ERVMER34-1: variants seen among roughly 807,000 people sequenced by gnomAD.
ERVMER34-1 encodes endogenous retrovirus group MER34 member 1, envelope, also known as endogenous retroviral envelope protein HEMO.
For synonymous variants in ERVMER34-1, 199 were observed against 111.7 expected (o/e 1.78, Z -4.93); for missense variants, 471 against 295.1 (o/e 1.60, Z -4.37).
At chr4:52,746,827 G>T (rs1310465445) in intron 2 of ERVMER34-1, among the ~76,000 whole-genome samples, 2 of 152,172 alleles carry the variant, frequency 1.3e-5, no homozygotes, top group African/African-American at 4.8e-5. Flanking sequence ...GATGCCAAGA[G>T]CCAACTGTCT....
Position 52,742,842 on chromosome 4 carries a change from A to C in ERVMER34-1, c.*987T>G, listed in dbSNP as rs774532781. The stretch of plus-strand genomic sequence containing the variant: ...GAGGCAGGAGAATGGCATGAACCCA[A>C]GGGGGCAGAGGTTGCAGTGAGCCGA... On this transcript the variant is annotated 3_prime_UTR_variant, in exon 3 of 3. Coordinates refer to ENST00000443173, the MANE Select transcript of ERVMER34-1 (RefSeq NM_001242690.2). 1 of 150,496 alleles carries C rather than the reference A, an allele frequency of 6.6e-6. No individual in the cohort carries two copies. The highest frequency in any genetic ancestry group is 1.5e-5 in the Non-Finnish European group (1 of 67,774). The allele number at this position is 150,496 out of a possible 1,614,324, so 9.3% of individuals were successfully genotyped here. A position where few individuals can be genotyped will look rare whatever the true frequency, so the allele number is the denominator to read the frequency against.
At chr4:52,748,290 G>T in intron 2 of ERVMER34-1, 1 of 168,158 alleles carries the variant, frequency 5.9e-6, no homozygotes, top group South Asian at 1.4e-4. Context: ...AAGCACATTT[G>T]TGATATTTTT....
At position 52,744,937 on chromosome 4, in the gene ERVMER34-1, CAG is replaced by C. The variant is rs1716111424; in HGVS notation, c.582_583del (p.Trp195GlufsTer30). ...AATCAAGGGAACAGCTGAGCTGTTC[CAG>C]GTCCGGTTTGTGCAACCTGCAAACC... On this transcript the variant is annotated frameshift_variant, in exon 3 of 3. Transcript: ENST00000443173. LOFTEE classifies it low-confidence loss of function (END_TRUNC). The C allele has an allele frequency of 1.4e-6, 1 of 703,978 alleles. No homozygotes were observed. Among genetic ancestry groups the C allele is most frequent in the Admixed American group, 2.0e-5 (1 of 50,002 alleles). 43.6% of individuals were successfully genotyped at this position (703,978 alleles called of 1,614,324 possible).
In ERVMER34-1 at chr4:52,743,003, T is replaced by G. The variant is rs1044665000; in HGVS notation, c.*826A>C. The G allele has an allele frequency of 2.6e-4, 39 of 151,804 alleles. No individual in the cohort carries two copies. Among genetic ancestry groups the G allele is most frequent in the Admixed American group, 9.8e-4 (15 of 15,254 alleles). 9.4% of individuals were successfully genotyped at this position (151,804 alleles called of 1,614,324 possible). The stretch of plus-strand genomic sequence containing the variant: ...TAATAGTATAATCTTTAGCAAGCTA[T>G]CTACCCTTTGAGTTGATTAATCTGT... On this transcript the variant is annotated 3_prime_UTR_variant, in exon 3 of 3. Coordinates refer to ENST00000443173, the MANE Select transcript of ERVMER34-1 (RefSeq NM_001242690.2).
chr4:52,744,393 A>G lies in ERVMER34-1; in HGVS notation c.1128T>C (p.Phe376=), dbSNP rs1459911489. The part of the protein sequence containing the change: ...PKDNSTIRAL[F]PSLGTYDLEK... ...CTAAATCATAAGTTCCCAAACTTGGAAAAAGGGCCCTTATTGTTGAATTGT... is the reference window on the plus strand; with the variant it reads ...CTAAATCATAAGTTCCCAAACTTGGGAAAAGGGCCCTTATTGTTGAATTGT... The change falls in exon 3 of 3, where the codon TTT becomes TTC. Residue 376 remains phenylalanine (F), a synonymous_variant. Transcript: ENST00000443173. 5.7e-6 allele frequency: 4 copies of G among 704,142 alleles called. No individual in the cohort carries two copies. The highest frequency in any genetic ancestry group is 2.3e-4 in the Middle Eastern group (1 of 4,370). The allele number at this position is 704,142 out of a possible 1,614,324, so 43.6% of individuals were successfully genotyped here.
chr4:52,744,556 A>C lies in ERVMER34-1; in HGVS notation c.965T>G (p.Leu322Arg), dbSNP rs1268227586. The C allele has an allele frequency of 7.1e-6, 5 of 704,102 alleles. No individual in the cohort carries two copies. The East Asian group carries it at 1.3e-4, about 19-fold the overall frequency. The allele number at this position is 704,102 out of a possible 1,614,324, so 43.6% of individuals were successfully genotyped here. ...GAGGTATCTGGTGAGGGAAGGTACA[A>C]GATACCCAAGTCCACATCGCCCAGA... is the stretch of plus-strand genomic sequence containing the variant. Reference protein sequence around the residue: ...KWSGRCGLGYLVPSLTRYLTL... With the variant: ...KWSGRCGLGYRVPSLTRYLTL... Residue 322 changes from leucine to arginine, a missense_variant, in exon 3 of 3, where the codon CTT (leucine) becomes CGT (arginine). Leu to Arg is a moderately radical substitution (Grantham distance 102). Coordinates refer to ENST00000443173, the MANE Select transcript of ERVMER34-1 (RefSeq NM_001242690.2).
In ERVMER34-1 at chr4:52,744,152, T is replaced by A; in HGVS notation, c.1369A>T (p.Asn457Tyr). The change falls in exon 3 of 3, where the codon AAT becomes TAT. Residue 457 changes from asparagine to tyrosine, a missense_variant. Transcript: ENST00000443173. The stretch of plus-strand genomic sequence containing the variant: ...GATGCTTCGTGGAGACGCTGTATAT[T>A]AGACTTTATTTCTTCCGAATAATTT... ...YINYSEEIKS[N>Y]IQRLHEASEN... is the part of the protein sequence containing the mutation. 1 of 704,120 alleles carries A rather than the reference T, an allele frequency of 1.4e-6. No individual in the cohort carries two copies. The highest frequency in any genetic ancestry group is 2.6e-6 in the Non-Finnish European group (1 of 385,016). The allele number at this position is 704,120 out of a possible 1,614,324, so 43.6% of individuals were successfully genotyped here. A position where few individuals can be genotyped will look rare whatever the true frequency, so the allele number is the denominator to read the frequency against.
rs371341191 is a variant in ERVMER34-1, at chr4:52,744,307, G to A, written c.1214C>T (p.Thr405Ile). 1 of 703,976 alleles carries A rather than the reference G, an allele frequency of 1.4e-6. No individual in the cohort carries two copies. The highest frequency in any genetic ancestry group is 2.6e-6 in the Non-Finnish European group (1 of 385,022). 43.6% of individuals were successfully genotyped at this position (703,976 alleles called of 1,614,324 possible). The change falls in exon 3 of 3, where the codon ACC becomes ATC. Residue 405 changes from threonine to isoleucine, a missense_variant. Coordinates refer to ENST00000443173, the MANE Select transcript of ERVMER34-1 (RefSeq NM_001242690.2). ...MEQEFSATKQ[T>I]LEAHQSKVSS... ...AACTTTTGATTGGTGTGCTTCCAAG[G>A]TCTGCTTAGTGGCACTGAATTCCTG...
At chr4:52,747,940 G>A (rs1338720672) in intron 2 of ERVMER34-1, among the ~76,000 whole-genome samples, 1 of 152,218 alleles carries the variant, frequency 6.6e-6, no homozygotes, top group Non-Finnish European at 1.5e-5. Context: ...GGGAGGCTGA[G>A]GCAGGAGAAT....
At position 52,745,723 on chromosome 4, in the gene ERVMER34-1, T is replaced by C; in HGVS notation, c.-203A>G. 1 of 573,352 alleles carries C rather than the reference T, an allele frequency of 1.7e-6. No individual in the cohort carries two copies. The highest frequency in any genetic ancestry group is 3.1e-6 in the Non-Finnish European group (1 of 322,496). The allele number at this position is 573,352 out of a possible 1,614,324, so 35.5% of individuals were successfully genotyped here. On this transcript the variant is annotated 5_prime_UTR_variant, in exon 3 of 3. Coordinates refer to ENST00000443173, the MANE Select transcript of ERVMER34-1 (RefSeq NM_001242690.2). ...CTACTTCATCTGCTCATGGAGCCTG[T>C]GAGTAGGTGCCAAAATTCCTCAATT...
At chr4:52,748,516 C>T (rs1716205648) in intron 2 of ERVMER34-1, among the ~76,000 whole-genome samples, 1 of 152,138 alleles carries the variant, frequency 6.6e-6, no homozygotes, top group African/African-American at 2.4e-5. Context: ...CTACTTAGGC[C>T]ATGGAATGTC....
chr4:52,747,336 C>T (rs1277501822), intron 2 of ERVMER34-1, among the ~76,000 whole-genome samples: 1 of 152,158 alleles, frequency 6.6e-6, no homozygotes, highest in African/African-American at 2.4e-5. Flanking sequence ...CAACCAGGAG[C>T]ATGTCTTTGA....
intron 2 of ERVMER34-1, among the ~76,000 whole-genome samples, chr4:52,748,989 G>C (rs1716217688): frequency 6.6e-6 from 1 of 152,002 alleles, no homozygotes; most frequent in Admixed American, 6.5e-5. Flanking sequence ...CCCTGTAGCT[G>C]GGACTACAGG....
rs73137248 is a variant in ERVMER34-1 at position 52,750,298 on chromosome 4, C to T, written c.-424+632G>A. 6.9e-3 allele frequency among the ~76,000 whole-genome samples: 1,050 copies of T among 151,752 alleles called. 6 individuals carry two copies. Among genetic ancestry groups the T allele is most frequent in the African/African-American group, 0.023 (953 of 41,096 alleles). On this transcript the variant is annotated intron_variant, in intron 2 of 2. Coordinates refer to ENST00000443173, the MANE Select transcript of ERVMER34-1 (RefSeq NM_001242690.2). ...ACCGGAGTGAGCCACTGCGCCCTACCCCCCCATAGATTCTCGACCTCAGCA... is the reference window on the plus strand; with the variant it reads ...ACCGGAGTGAGCCACTGCGCCCTACTCCCCCATAGATTCTCGACCTCAGCA...
chr4:52,748,593 G>A (rs899148222), intron 2 of ERVMER34-1, among the ~76,000 whole-genome samples: 1 of 152,150 alleles, frequency 6.6e-6, no homozygotes, highest in Admixed American at 6.5e-5. Context: ...TCGAAGGCAG[G>A]TGTGCACACT....
rs1242940169 is a variant in ERVMER34-1, at chr4:52,743,837, G to C, written c.1684C>G (p.Leu562Val). 1.3e-6 allele frequency: 2 copies of C among 1,489,052 alleles called. No individual in the cohort carries two copies. Among genetic ancestry groups the C allele is most frequent in the African/African-American group, 1.4e-5 (1 of 70,884 alleles). 92.2% of individuals were successfully genotyped at this position (1,489,052 alleles called of 1,614,324 possible). A position where few individuals can be genotyped will look rare whatever the true frequency, so the allele number is the denominator to read the frequency against. Residue 562 changes from leucine (L) to valine (V), a missense_variant, in exon 3 of 3, where the codon CTA becomes GTA. Transcript: ENST00000443173. The stretch of plus-strand genomic sequence containing the variant: ...TGTTTGTTCAGATATTCTCAAAGTA[G>C]ACTTGTGTCATATTGATGGGTTGTT... Reference protein sequence around the residue: ...GLTTHQYDTSLL With the variant: ...GLTTHQYDTSVL
intron 2 of ERVMER34-1, among the ~76,000 whole-genome samples, chr4:52,747,910 G>C (rs1716191672): frequency 1.3e-5 from 2 of 152,170 alleles, no homozygotes; most frequent in Non-Finnish European, 2.9e-5. Flanking sequence ...GGCGGCATAT[G>C]CCTGTAATCC....
rs1023887819 is a variant in ERVMER34-1, at chr4:52,743,992, C to G, written c.1529G>C (p.Arg510Pro). 2 of 737,358 alleles carry G rather than the reference C, an allele frequency of 2.7e-6. No homozygotes were observed. The allele number at this position is 737,358 out of a possible 1,614,324, so 45.7% of individuals were successfully genotyped here. Residue 510 changes from arginine to proline, a missense_variant, in exon 3 of 3, where the codon CGT becomes CCT. Coordinates refer to ENST00000443173, the MANE Select transcript of ERVMER34-1 (RefSeq NM_001242690.2). ...GGATCTGCGAGATTTGCGAAAGACA[C>G]GAACATAGATTAAAACAAAGATGAA... The part of the protein sequence containing the change: ...CLFIFVLIYV[R>P]VFRKSRRSLN...
At chr4:52,747,561 C>G (rs1014952311) in intron 2 of ERVMER34-1, among the ~76,000 whole-genome samples, 1 of 152,194 alleles carries the variant, frequency 6.6e-6, no homozygotes, top group Admixed American at 6.5e-5. Context: ...TTAACATATA[C>G]ATCCCTGGCC....
Sources: allele counts gnomAD v4.1 joint callset (sites outside exome capture counted in the v4.1 genomes callset), GRCh38; gene constraint gnomAD v4.1.1; transcripts MANE v1.5; gene names NCBI Gene and HGNC (gene_info 2026-07-23, HGNC 2026-07-21).